The following ANKRD44 variants were observed in gnomAD, a reference collection of about 807,000 sequenced individuals.
ANKRD44 encodes the protein serine/threonine-protein phosphatase 6 regulatory ankyrin repeat subunit B.
ANKRD44 carries 35 observed loss-of-function variants against 116.0 expected under a neutral mutation model. The observed-to-expected ratio is 0.30, with a 90% confidence interval of 0.23 to 0.40. The LOEUF (loss-of-function observed/expected upper bound fraction) is 0.40, where lower values mean the gene tolerates loss of function less well. Ranked by LOEUF, ANKRD44 falls within the 10% of genes least tolerant of loss-of-function variation. The pLI, the probability that ANKRD44 is intolerant of heterozygous loss-of-function variation, is 1.00. For missense variants in ANKRD44, 1,014 were observed against 1,242.6 expected (o/e 0.82, Z 2.77); for synonymous variants, 435 against 461.8 (o/e 0.94, Z 0.74).
chr2:197,145,617 G>A (rs1426387524), intron 3 of ANKRD44, among the ~76,000 whole-genome samples: 1 of 152,198 alleles, frequency 6.6e-6, no homozygotes, highest in Non-Finnish European at 1.5e-5. Context: ...TGACCATCAG[G>A]AGCGTGGGGC....
intron 1 of ANKRD44, among the ~76,000 whole-genome samples, chr2:197,202,677 G>T (rs1385079634): frequency 6.6e-6 from 1 of 152,112 alleles, no homozygotes; most frequent in Non-Finnish European, 1.5e-5. Flanking sequence ...GGGGTCAGGT[G>T]AGCCTCCCCC....
intron 1 of ANKRD44, chr2:197,251,081 T>G (rs972178640): frequency 6.6e-6 from 1 of 152,228 alleles, no homozygotes; most frequent in Non-Finnish European, 1.5e-5. Context: ...TTTTAAATGT[T>G]TTTTAAATTC....
chr2:197,224,427 G>A (rs57530483), intron 1 of ANKRD44, among the ~76,000 whole-genome samples: 1 of 152,138 alleles, frequency 6.6e-6, no homozygotes, highest in Non-Finnish European at 1.5e-5. Context: ...TTATCCCAAT[G>A]GGTAAGCCTG....
In ANKRD44 at chr2:197,139,672, A is replaced by T. The variant is rs542096860; in HGVS notation, c.191-3010T>A. Reference sequence around the variant, plus strand: ...AGATATATATATAGCAAATATGGCAAAATATTAAGAGTTCCTAAAACTTAG... The same window carrying T: ...AGATATATATATAGCAAATATGGCATAATATTAAGAGTTCCTAAAACTTAG... On this transcript the variant is annotated intron_variant, in intron 3 of 27. Transcript: ENST00000282272. 3.1e-3 allele frequency among the ~76,000 whole-genome samples: 476 copies of T among 152,072 alleles called. 2 individuals are homozygous for T. The highest frequency in any genetic ancestry group is 0.014 in the Middle Eastern group (4 of 294).
intron 1 of ANKRD44, among the ~76,000 whole-genome samples, chr2:197,258,085 C>A (rs1296238200): frequency 6.6e-6 from 1 of 151,468 alleles, no homozygotes; most frequent in Non-Finnish European, 1.5e-5. Flanking sequence ...TTTATTTTTT[C>A]TTTTTATTTA....
At chr2:197,147,813 G>A (rs942386801) in intron 2 of ANKRD44, 1 of 442,006 alleles carries the variant, frequency 2.3e-6, no homozygotes, top group Non-Finnish European at 4.5e-6. Flanking sequence ...TCAGGAGATG[G>A]GAATAAGAGT....
chr2:197,164,153 G>A (rs1418850564), intron 2 of ANKRD44, among the ~76,000 whole-genome samples: 1 of 152,348 alleles, frequency 6.6e-6, no homozygotes, highest in East Asian at 1.9e-4. Context: ...ACCAGAGTTG[G>A]TGGGGAAGTT....
intron 4 of ANKRD44, among the ~76,000 whole-genome samples, chr2:197,133,656 G>A (rs2141373): frequency 0.64 from 97,674 of 152,136 alleles, 34,581 homozygotes; most frequent in East Asian, 0.95. Flanking sequence ...CCAGCTCTCA[G>A]CTGAAACCAT....
At chr2:196,973,441 T>C (rs930895380) in intron 21 of ANKRD44, among the ~76,000 whole-genome samples, 26 of 152,180 alleles carry the variant, frequency 1.7e-4, no homozygotes, top group African/African-American at 5.8e-4. Context: ...CATTTTTATA[T>C]AATCAAATAT....
At chr2:197,138,890 A>T (rs922871203) in intron 3 of ANKRD44, among the ~76,000 whole-genome samples, 1 of 152,224 alleles carries the variant, frequency 6.6e-6, no homozygotes, top group Non-Finnish European at 1.5e-5. Context: ...TCAAAAAATG[A>T]ATGCAAGTAG....
chr2:197,178,411 C>T (rs2080420499), intron 2 of ANKRD44, among the ~76,000 whole-genome samples: 1 of 151,712 alleles, frequency 6.6e-6, no homozygotes, highest in African/African-American at 2.4e-5. Context: ...TTCAAGGCTG[C>T]AGTGAGCTAT....
chr2:197,187,644 T>TC (rs2080713038), intron 1 of ANKRD44, among the ~76,000 whole-genome samples: 2 of 134,634 alleles, frequency 1.5e-5, no homozygotes, highest in Non-Finnish European at 3.3e-5. Flanking sequence ...CACGTTCTCA[T>TC]TCTCTCTCTC....
At chr2:197,246,999 T>A (rs997434761) in intron 1 of ANKRD44, among the ~76,000 whole-genome samples, 2 of 152,174 alleles carry the variant, frequency 1.3e-5, no homozygotes, top group Admixed American at 1.3e-4. Context: ...TATCTCTGTA[T>A]CTTTCCAGTC....
chr2:197,091,182 G>A (rs989883011), intron 10 of ANKRD44, among the ~76,000 whole-genome samples: 5 of 152,216 alleles, frequency 3.3e-5, no homozygotes, highest in African/African-American at 1.2e-4. Context: ...TGCCCTCAGG[G>A]GGCTTTGGGA....
In ANKRD44 at chr2:196,988,019, C is replaced by A; in HGVS notation, c.*1572G>T. 1.0e-6 allele frequency: 1 copy of A among 985,254 alleles called. No individual in the cohort carries two copies. The allele number at this position is 985,254 out of a possible 1,614,324, so 61.0% of individuals were successfully genotyped here. On this transcript the variant is annotated 3_prime_UTR_variant, in exon 28 of 28. Transcript: ENST00000282272. ...AGATCAGTTGATGTAATGAACAGTT[C>A]ATTGTGAGCATGATTTCATTTCGTT...
intron 9 of ANKRD44, among the ~76,000 whole-genome samples, chr2:197,108,368 A>G (rs2078483864): frequency 6.6e-6 from 1 of 152,244 alleles, no homozygotes. Flanking sequence ...CTTTATCATT[A>G]TATATAATAG....
chr2:197,006,222 C>G (rs1472184155), intron 20 of ANKRD44, among the ~76,000 whole-genome samples: 2 of 152,134 alleles, frequency 1.3e-5, no homozygotes, highest in African/African-American at 4.8e-5. Flanking sequence ...GCAGGAGGAT[C>G]ACTAGGTCAG....
At position 197,015,893 on chromosome 2, in the gene ANKRD44, G is replaced by A. The variant is rs151163547; in HGVS notation, c.1723-2181C>T. 977 of 523,592 alleles carry A rather than the reference G, an allele frequency of 1.9e-3. 6 individuals are homozygous for A. In the East Asian group the frequency reaches 0.023, roughly 13 times the overall value. The allele number at this position is 523,592 out of a possible 1,614,324, so 32.4% of individuals were successfully genotyped here. On this transcript the variant is annotated intron_variant, in intron 17 of 27. Transcript: ENST00000282272. The stretch of plus-strand genomic sequence containing the variant: ...AATGATTCTGGAAATTATAGTGGGC[G>A]ACAGCAATCAAATTTTGGATCCATG...
At chr2:197,081,620 G>T in intron 15 of ANKRD44, 25 bp downstream of exon 15, 1 of 1,603,502 alleles carries the variant, frequency 6.2e-7, no homozygotes, top group African/African-American at 1.3e-5. Flanking sequence ...ATGGCACCTT[G>T]TTCTTAAGCT....
Sources: gnomAD v4.1 joint callset for allele counts (sites outside exome capture counted in the v4.1 genomes callset) on GRCh38, gnomAD v4.1.1 for gene constraint, MANE v1.5 for transcripts, NCBI Gene and HGNC (gene_info 2026-07-23, HGNC 2026-07-21) for gene names.